The following ROBO1 variants were observed in gnomAD, a reference collection of about 807,000 sequenced individuals.
ROBO1 encodes roundabout homolog 1.
In ROBO1, 149 loss-of-function variants were observed where a neutral mutation model predicts 195.9. The observed-to-expected ratio is 0.76, with a 90% CI of 0.67 to 0.87. The LOEUF (loss-of-function observed/expected upper bound fraction) is 0.87, where lower values mean the gene tolerates loss of function less well. Among genes scored for constraint, ROBO1 ranks in the 40% least tolerant of loss-of-function variants. ROBO1 has a pLI of 0.00. For synonymous variants in ROBO1, 816 were observed against 733.2 expected, an observed-to-expected ratio of 1.11 and a Z score of -1.82; for missense variants, 1,933 against 2,068.3, an observed-to-expected ratio of 0.93 and a Z score of 1.27.
chr3:79,707,667 C>T (rs1947815440), intron 1 of ROBO1, among the ~76,000 whole-genome samples: 1 of 152,090 alleles, frequency 6.6e-6, no homozygotes, highest in Admixed American at 6.6e-5. Flanking sequence ...TGCCACCACG[C>T]CTGGCTAATT....
At chr3:79,176,422 A>G (rs2108716735) in intron 2 of ROBO1, among the ~76,000 whole-genome samples, 1 of 152,310 alleles carries the variant, frequency 6.6e-6, no homozygotes, top group East Asian at 1.9e-4. Flanking sequence ...TTATTTATTT[A>G]AAATAATTTG....
intron 2 of ROBO1, among the ~76,000 whole-genome samples, chr3:79,135,463 A>C (rs963346123): frequency 6.6e-6 from 1 of 152,178 alleles, no homozygotes; most frequent in Non-Finnish European, 1.5e-5. Context: ...TGAAGACTTG[A>C]GATCCAGCTT....
intron 2 of ROBO1, among the ~76,000 whole-genome samples, chr3:79,482,758 C>T (rs117203387): frequency 3.3e-4 from 50 of 152,170 alleles, no homozygotes; most frequent in East Asian, 2.5e-3. Context: ...TTCTAAGGAC[C>T]GTGATAACCA....
intron 1 of ROBO1, among the ~76,000 whole-genome samples, chr3:79,607,905 C>T (rs1944539979): frequency 6.6e-6 from 1 of 151,936 alleles, no homozygotes; most frequent in Non-Finnish European, 1.5e-5. Context: ...TGAATATTTG[C>T]AGTCATTATA....
intron 3 of ROBO1, among the ~76,000 whole-genome samples, chr3:78,950,934 T>C (rs2040742594): frequency 6.6e-6 from 1 of 151,934 alleles, no homozygotes; most frequent in Non-Finnish European, 1.5e-5. Flanking sequence ...CCTCAATTCC[T>C]ACACAATTGT....
At chr3:79,751,098 C>T (rs997502265) in intron 1 of ROBO1, among the ~76,000 whole-genome samples, 3 of 152,226 alleles carry the variant, frequency 2.0e-5, no homozygotes, top group Admixed American at 6.5e-5. Context: ...TGGCTGACAT[C>T]GTGTTAGTTT....
At chr3:78,879,863 A>T (rs1200440555) in intron 4 of ROBO1, among the ~76,000 whole-genome samples, 1 of 152,144 alleles carries the variant, frequency 6.6e-6, no homozygotes, top group Non-Finnish European at 1.5e-5. Context: ...CATTTTACAG[A>T]AGACTTGTAT....
intron 2 of ROBO1, among the ~76,000 whole-genome samples, chr3:79,189,280 TAA>T (rs2081496829): frequency 6.6e-6 from 1 of 151,734 alleles, no homozygotes; most frequent in South Asian, 2.1e-4. Flanking sequence ...AAAATATTAA[TAA>T]GAGGAATTTA....
chr3:79,074,583 C>CATT (rs1228969024), intron 3 of ROBO1, among the ~76,000 whole-genome samples: 2,465 of 149,998 alleles, frequency 0.016, 66 homozygotes, highest in African/African-American at 0.051. Flanking sequence ...ATGTTCAGCT[C>CATT]ATTATTATTA....
At chr3:79,244,769 TA>T (rs796143033) in intron 2 of ROBO1, among the ~76,000 whole-genome samples, 18 of 152,220 alleles carry the variant, frequency 1.2e-4, no homozygotes, top group African/African-American at 4.1e-4. Flanking sequence ...TGTATTTGAA[TA>T]AAATATTACA....
At chr3:79,156,580 G>A (rs950596786) in intron 2 of ROBO1, among the ~76,000 whole-genome samples, 1 of 151,780 alleles carries the variant, frequency 6.6e-6, no homozygotes, top group Non-Finnish European at 1.5e-5. Context: ...TGGTTATGGG[G>A]TAGACAATTC....
rs1575867176 is a variant in ROBO1 at position 78,661,973 on chromosome 3, C to A, written c.2088+20G>T. ...CGCAGACGCTTATTAAAACTGAGAT[C>A]AAATATTGTAACAACTCACTGTCCA... On this transcript the variant is annotated intron_variant, in intron 15 of 30. Coordinates refer to ENST00000464233, the MANE Select transcript of ROBO1 (RefSeq NM_002941.4). 6.2e-7 allele frequency: 1 copy of A among 1,602,310 alleles called. No homozygotes were observed. Among genetic ancestry groups the A allele is most frequent in the South Asian group, 1.1e-5 (1 of 88,254 alleles).
At chr3:79,482,095 G>A (rs765626765) in intron 2 of ROBO1, among the ~76,000 whole-genome samples, 9 of 151,820 alleles carry the variant, frequency 5.9e-5, no homozygotes, top group East Asian at 1.9e-4. Flanking sequence ...TTATATTTAC[G>A]TCTCGTGTAC....
chr3:79,445,348 T>A (rs2039205599), intron 2 of ROBO1, among the ~76,000 whole-genome samples: 1 of 152,040 alleles, frequency 6.6e-6, no homozygotes, highest in South Asian at 2.1e-4. Flanking sequence ...ATGAACTTGA[T>A]GAAAACTACA....
chr3:79,470,013 T>G, intron 2 of ROBO1, among the ~76,000 whole-genome samples: 1 of 152,196 alleles, frequency 6.6e-6, no homozygotes, highest in East Asian at 1.9e-4. Context: ...ATATATTTTT[T>G]TAATTATTAT....
rs1032429629 is a variant in ROBO1 at position 79,440,981 on chromosome 3, C to T, written c.88+148843G>A. 2.6e-5 allele frequency among the ~76,000 whole-genome samples: 4 copies of T among 152,108 alleles called. No individual in the cohort carries two copies. The South Asian group carries it at 8.3e-4, about 32-fold the overall frequency. ...CACTTTGAAACCATAAATAAAAAAA[C>T]ATTAATATCAAGTTAAAGTTTGACA... On this transcript the variant is annotated intron_variant, in intron 2 of 30. Transcript: ENST00000464233.
At chr3:79,620,143 T>C (rs1384476651) in intron 1 of ROBO1, among the ~76,000 whole-genome samples, 1 of 152,150 alleles carries the variant, frequency 6.6e-6, no homozygotes, top group Non-Finnish European at 1.5e-5. Flanking sequence ...CCAGGATTCC[T>C]CCTAAGCTGT....
rs1158640796 is a variant in ROBO1 at position 79,205,105 on chromosome 3, G to A, written c.89-79566C>T. 6.6e-5 allele frequency among the ~76,000 whole-genome samples: 10 copies of A among 152,086 alleles called. No homozygotes were observed. The South Asian group carries it at 1.9e-3, about 28-fold the overall frequency. ...CCTCCCAGGTTCAAGCTATTTTGGC[G>A]CAGCAGCCTCTGGAGTAGTTGGGAT... On this transcript the variant is annotated intron_variant, in intron 2 of 30. Coordinates refer to ENST00000464233, the MANE Select transcript of ROBO1 (RefSeq NM_002941.4).
chr3:79,541,931 T>C (rs1173656079), intron 2 of ROBO1, among the ~76,000 whole-genome samples: 2 of 151,420 alleles, frequency 1.3e-5, no homozygotes, highest in Non-Finnish European at 2.9e-5. Context: ...ATTATATATA[T>C]AGTAAATATA....
Sources: allele counts gnomAD v4.1 joint callset (sites outside exome capture counted in the v4.1 genomes callset), GRCh38; gene constraint gnomAD v4.1.1; transcripts MANE v1.5; gene names NCBI Gene and HGNC (gene_info 2026-07-23, HGNC 2026-07-21).